Variants in RNF217 observed in about 807,000 individuals in gnomAD.
RNF217 encodes the protein ring finger protein 217, also known as E3 ubiquitin-protein ligase RNF217.
Under a neutral mutation model 57.8 loss-of-function variants are expected in RNF217, and 31 were observed. The observed-to-expected ratio is 0.54, with a 90% CI of 0.40 to 0.72. The LOEUF (loss-of-function observed/expected upper bound fraction) is 0.72, where lower values mean the gene tolerates loss of function less well. Among genes scored for constraint, RNF217 ranks in the 30% least tolerant of loss-of-function variants. RNF217 has a pLI of 0.00. For synonymous variants in RNF217, 313 were observed against 294.0 expected, an observed-to-expected ratio of 1.06 and a Z score of -0.66; for missense variants, 696 against 708.3, an observed-to-expected ratio of 0.98 and a Z score of 0.20.
At chr6:125,049,757 G>A (rs559731112) in intron 2 of RNF217, among the ~76,000 whole-genome samples, 1 of 152,008 alleles carries the variant, frequency 6.6e-6, no homozygotes, top group Non-Finnish European at 1.5e-5. Flanking sequence ...AGAAGGGCAT[G>A]GGGGAGTAAA....
intron 1 of RNF217, among the ~76,000 whole-genome samples, chr6:124,978,655 G>A (rs978512063): frequency 5.3e-5 from 8 of 151,866 alleles, no homozygotes; most frequent in African/African-American, 1.7e-4. Flanking sequence ...TATTCTCGTC[G>A]CCCACAGCTC....
chr6:125,034,807 T>A (rs2114487172), intron 1 of RNF217, among the ~76,000 whole-genome samples: 1 of 152,276 alleles, frequency 6.6e-6, no homozygotes, highest in Non-Finnish European at 1.5e-5. Context: ...ATTTTCACGA[T>A]ATTGATTCTT....
intron 1 of RNF217, among the ~76,000 whole-genome samples, chr6:125,000,104 T>C (rs889073479): frequency 4.6e-5 from 7 of 152,164 alleles, no homozygotes; most frequent in African/African-American, 7.2e-5. Flanking sequence ...TGCAGTCCCA[T>C]TATTTAATAT....
At chr6:125,048,817 C>T (rs1186964588) in intron 2 of RNF217, among the ~76,000 whole-genome samples, 1 of 151,960 alleles carries the variant, frequency 6.6e-6, no homozygotes, top group East Asian at 1.9e-4. Context: ...ATTTGTCCTT[C>T]CAGGCCCAAC....
intron 1 of RNF217, among the ~76,000 whole-genome samples, chr6:124,967,675 A>G (rs1783597001): frequency 6.6e-6 from 1 of 152,238 alleles, no homozygotes. Flanking sequence ...ATGACTGTCT[A>G]CTGTAGTCAC....
intron 1 of RNF217, among the ~76,000 whole-genome samples, chr6:125,023,553 A>C (rs1785940717): frequency 6.6e-6 from 1 of 152,204 alleles, no homozygotes. Context: ...CTGCCAGATG[A>C]TCCAGAATCT....
chr6:124,976,273 C>T (rs1056037989), intron 1 of RNF217, among the ~76,000 whole-genome samples: 28 of 106,312 alleles, frequency 2.6e-4, no homozygotes, highest in African/African-American at 8.5e-4. Context: ...CTCCCTCCCT[C>T]CCGCTCTCTC....
chr6:125,030,316 A>G (rs1786300095), intron 1 of RNF217, among the ~76,000 whole-genome samples: 1 of 152,110 alleles, frequency 6.6e-6, no homozygotes, highest in African/African-American at 2.4e-5. Context: ...CATTTCAAAA[A>G]CAGTCATGCC....
chr6:125,063,751 G>A (rs187392716), intron 3 of RNF217, among the ~76,000 whole-genome samples: 18 of 152,066 alleles, frequency 1.2e-4, no homozygotes, highest in Admixed American at 1.0e-3. Flanking sequence ...GTAAACAAGA[G>A]GTAATTACCA....
intron 1 of RNF217, among the ~76,000 whole-genome samples, chr6:124,975,244 C>G (rs149335568): frequency 1.3e-5 from 2 of 152,150 alleles, no homozygotes; most frequent in Non-Finnish European, 2.9e-5. Context: ...AGCTTTTCCC[C>G]CGGTTGCTTA....
intron 1 of RNF217, among the ~76,000 whole-genome samples, chr6:125,029,063 T>G (rs921694412): frequency 1.3e-5 from 2 of 152,152 alleles, no homozygotes; most frequent in Non-Finnish European, 2.9e-5. Context: ...AGAACAGGAT[T>G]CTCTAAAATG....
chr6:125,087,908 A>G lies in RNF217; in HGVS notation c.*4971A>G, dbSNP rs1335499689. On this transcript the variant is annotated 3_prime_UTR_variant, in exon 6 of 6. Transcript: ENST00000521654. ...CTCACTAAAAATATGATCAATCAAA[A>G]CTACCAGTTTTGCACACCAATCCCA... 2 of 152,110 alleles carry G rather than the reference A, an allele frequency of 1.3e-5. No homozygotes were observed. Among genetic ancestry groups the G allele is most frequent in the Non-Finnish European group, 1.5e-5 (1 of 67,966 alleles). The allele number at this position is 152,110 out of a possible 1,614,324, so 9.4% of individuals were successfully genotyped here.
At chr6:124,963,974 T>C (rs1783421742) in intron 1 of RNF217, among the ~76,000 whole-genome samples, 1 of 152,232 alleles carries the variant, frequency 6.6e-6, no homozygotes, top group South Asian at 2.1e-4. Context: ...TTGAAGTACT[T>C]TTCTTTCACT....
intron 1 of RNF217, among the ~76,000 whole-genome samples, chr6:124,985,369 G>C (rs1270717249): frequency 6.6e-6 from 1 of 152,108 alleles, no homozygotes; most frequent in Non-Finnish European, 1.5e-5. Flanking sequence ...TTTCATACAG[G>C]CATGTAATAC....
intron 1 of RNF217, among the ~76,000 whole-genome samples, chr6:125,011,506 G>T (rs995974138): frequency 6.6e-6 from 1 of 151,978 alleles, no homozygotes; most frequent in Non-Finnish European, 1.5e-5. Flanking sequence ...CTCACCTCAT[G>T]ATTTTCAGTT....
intron 1 of RNF217, among the ~76,000 whole-genome samples, chr6:124,973,433 T>C (rs921762708): frequency 3.9e-5 from 6 of 152,238 alleles, no homozygotes; most frequent in African/African-American, 1.4e-4. Context: ...GATAATTTGA[T>C]GTTTATTACC....
chr6:124,975,032 C>A (rs1255582105), intron 1 of RNF217, among the ~76,000 whole-genome samples: 1 of 152,174 alleles, frequency 6.6e-6, no homozygotes, highest in Non-Finnish European at 1.5e-5. Context: ...AATGACTAAT[C>A]CCTTTTTAAA....
chr6:124,997,547 T>G (rs4895613), intron 1 of RNF217, among the ~76,000 whole-genome samples: 34,049 of 152,014 alleles, frequency 0.22, 4,516 homozygotes, highest in East Asian at 0.4. Flanking sequence ...GCAGACACAT[T>G]GATGAAGGGC....
In RNF217 at chr6:124,963,312, GC is replaced by G. The variant is rs750945293; in HGVS notation, c.772del (p.Leu258SerfsTer4). ...GLGGVGDPYV[P>X]LMVLMCRVCL... is the part of the protein sequence containing the mutation. ...TGGGCGGTGTAGGGGATCCCTATGTGCCCCTCATGGTGCTGATGTGCCGGGT... is the reference window on the plus strand; with the variant it reads ...TGGGCGGTGTAGGGGATCCCTATGTGCCCTCATGGTGCTGATGTGCCGGGT... On this transcript the variant is annotated frameshift_variant, in exon 1 of 6. Transcript: ENST00000521654. LOFTEE classifies it high-confidence loss of function. 2 of 1,535,474 alleles carry G rather than the reference GC, an allele frequency of 1.3e-6. No individual in the cohort carries two copies. Among genetic ancestry groups the G allele is most frequent in the Middle Eastern group, 1.7e-4 (1 of 5,988 alleles).
Sources: allele counts gnomAD v4.1 joint callset (sites outside exome capture counted in the v4.1 genomes callset), GRCh38; gene constraint gnomAD v4.1.1; transcripts MANE v1.5; gene names NCBI Gene and HGNC (gene_info 2026-07-23, HGNC 2026-07-21).